Variants in TGIF1 observed in about 807,000 individuals in gnomAD.
TGIF1 encodes TGFB induced factor homeobox 1, also known as homeobox protein TGIF1.
A neutral mutation model predicts 19.3 loss-of-function variants in TGIF1; 4 were observed. That is an observed-to-expected ratio of 0.21 (90% CI 0.10 to 0.47). The LOEUF is 0.47. Ranked by LOEUF, TGIF1 falls within the 20% of genes least tolerant of loss-of-function variation. The probability of loss-of-function intolerance (pLI) is 0.98; values close to 1 mark genes in which losing one functional copy is unlikely to be tolerated. For synonymous variants in TGIF1, 122 were observed against 129.3 expected, an observed-to-expected ratio of 0.94 and a Z score of 0.38; for missense variants, 275 against 341.4, an observed-to-expected ratio of 0.81 and a Z score of 1.53.
chr18:3,444,218 C>G (rs1423891158), intron 2 of TGIF1, among the ~76,000 whole-genome samples: 1 of 151,902 alleles, frequency 6.6e-6, no homozygotes, highest in African/African-American at 2.4e-5. Flanking sequence ...GCTGGGATTA[C>G]AGGCATGAAC....
upstream of TGIF1, chr18:3,447,919 T>A (rs1347800032): frequency 2.0e-6 from 3 of 1,475,698 alleles, no homozygotes; most frequent in African/African-American, 4.2e-5. Context: ...CAATTCTCGG[T>A]TCCCATCTCG....
rs2143412270 is a variant in TGIF1 at position 3,456,988 on chromosome 18, T to G, written c.244-377T>G. The stretch of plus-strand genomic sequence containing the variant: ...AGTGGCCCTTTTCATAAGGAGAGGT[T>G]TTCCTGTAGTTGATTAACTTAAATG... On this transcript the variant is annotated intron_variant, in intron 2 of 2. Transcript: ENST00000343820. The surrounding 1 kb of genome is among the most constrained non-coding windows in gnomAD (Gnocchi z 4.2). The G allele has an allele frequency of 5.4e-6, 3 of 560,686 alleles. No individual in the cohort carries two copies. Among genetic ancestry groups the G allele is most frequent in the South Asian group, 4.5e-5 (2 of 44,082 alleles). 34.7% of individuals were successfully genotyped at this position (560,686 alleles called of 1,614,324 possible).
chr18:3,457,061 CCTCT>C lies in TGIF1; in HGVS notation c.244-298_244-295del. On this transcript the variant is annotated intron_variant, in intron 2 of 2. Transcript: ENST00000343820. The surrounding 1 kb of genome is among the most constrained non-coding windows in gnomAD (Gnocchi z 4.9). Reference sequence around the variant, plus strand: ...AAAATGGGGAGAGTTAAAAAGTAAACCTCTCTCTCAAATCATTTTTAAGCATTTG... The same window carrying C: ...AAAATGGGGAGAGTTAAAAAGTAAACCTCTCAAATCATTTTTAAGCATTTG... 1 of 557,012 alleles carries C rather than the reference CCTCT, an allele frequency of 1.8e-6. No homozygotes were observed. The highest frequency in any genetic ancestry group is 3.1e-5 in the East Asian group (1 of 32,176). 34.5% of individuals were successfully genotyped at this position (557,012 alleles called of 1,614,324 possible).
intron 2 of TGIF1, among the ~76,000 whole-genome samples, chr18:3,442,834 G>A (rs899292111): frequency 1.3e-5 from 2 of 152,066 alleles, no homozygotes; most frequent in Non-Finnish European, 2.9e-5. Context: ...TCAAAGAAAT[G>A]TGAACAATAA....
At position 3,456,324 on chromosome 18, in the gene TGIF1, A is replaced by C. The variant is rs755345004; in HGVS notation, c.17-30A>C. 2 of 1,601,146 alleles carry C rather than the reference A, an allele frequency of 1.2e-6. No homozygotes were observed. Among genetic ancestry groups the C allele is most frequent in the East Asian group, 4.5e-5 (2 of 44,826 alleles). ...GCAATAGTTGCTGTGCTTATAAAGCAACTGACAACTGGCCCTTGTCCTTTC... is the reference window on the plus strand; with the variant it reads ...GCAATAGTTGCTGTGCTTATAAAGCCACTGACAACTGGCCCTTGTCCTTTC... On this transcript the variant is annotated intron_variant, in intron 1 of 2. Transcript: ENST00000343820. This position sits in a 1 kb window ranked among gnomAD's most constrained non-coding sequence, Gnocchi z 4.2.
At chr18:3,435,884 A>G (rs1476135470) in intron 2 of TGIF1, among the ~76,000 whole-genome samples, 1 of 151,978 alleles carries the variant, frequency 6.6e-6, no homozygotes, top group Non-Finnish European at 1.5e-5. Context: ...ATTTAGGGAC[A>G]AGGTCTCACT....
rs574525449 is a variant in TGIF1 at position 3,423,990 on chromosome 18, C to G, written c.-45+5775C>G. Among the ~76,000 whole-genome samples the G allele has an allele frequency of 9.9e-4, 150 of 152,272 alleles. 1 individual carries two copies. Among genetic ancestry groups the G allele is most frequent in the Middle Eastern group, 3.4e-3 (1 of 294 alleles). On this transcript the variant is annotated intron_variant, in intron 2 of 3. Coordinates refer to the TGIF1 transcript ENST00000401449. Reference sequence around the variant, plus strand: ...GGGCAGCCACGATGGAGTGACAATACAGAAGGGGTCTGCGTCACCAACATT... The same window carrying G: ...GGGCAGCCACGATGGAGTGACAATAGAGAAGGGGTCTGCGTCACCAACATT...
upstream of TGIF1, chr18:3,448,255 C>T (rs574769911): frequency 9.1e-6 from 9 of 985,454 alleles, no homozygotes; most frequent in South Asian, 3.8e-4. Context: ...CAGCCCCCGG[C>T]TCCTCCTCCC....
At chr18:3,437,588 T>C (rs2082630110) in intron 2 of TGIF1, among the ~76,000 whole-genome samples, 1 of 152,240 alleles carries the variant, frequency 6.6e-6, no homozygotes, top group Non-Finnish European at 1.5e-5. Flanking sequence ...AGCTTTTTTC[T>C]AAACAGCAAT....
Position 3,457,715 on chromosome 18 carries a change from A to C in TGIF1, c.594A>C (p.Thr198=). The C allele has an allele frequency of 6.2e-7, 1 of 1,614,234 alleles. No homozygotes were observed. The highest frequency in any genetic ancestry group is 8.5e-7 in the Non-Finnish European group (1 of 1,180,042). The stretch of plus-strand genomic sequence containing the variant: ...AGTCGGTCGGTGTGGGACAAAACAC[A>C]GATATACAGCAGATAGCGGCCAAAA... The part of the protein sequence containing the change: ...LCQSVGVGQN[T]DIQQIAAKNF... Residue 198 remains threonine, a synonymous_variant, in exon 3 of 3, where the codon ACA becomes ACC. Transcript: ENST00000343820. This position sits in a 1 kb window ranked among gnomAD's most constrained non-coding sequence, Gnocchi z 4.9.
rs1339377849 is a variant in TGIF1 at position 3,458,912 on chromosome 18, A to G, written c.*972A>G. ...AGAAATTACCTTTTAAAACATCTCAAAAGTGTTTTCTAAAATGATGAAATA... is the reference window on the plus strand; with the variant it reads ...AGAAATTACCTTTTAAAACATCTCAGAAGTGTTTTCTAAAATGATGAAATA... On this transcript the variant is annotated 3_prime_UTR_variant, in exon 3 of 3. Transcript: ENST00000343820. 6.6e-6 allele frequency: 1 copy of G among 152,196 alleles called. No individual in the cohort carries two copies. The highest frequency in any genetic ancestry group is 2.4e-5 in the African/African-American group (1 of 41,448). 9.4% of individuals were successfully genotyped at this position (152,196 alleles called of 1,614,324 possible). A position where few individuals can be genotyped will look rare whatever the true frequency, so the allele number is the denominator to read the frequency against.
intron 2 of TGIF1, among the ~76,000 whole-genome samples, chr18:3,434,585 T>C (rs969501606): frequency 6.7e-6 from 1 of 149,166 alleles, no homozygotes; most frequent in East Asian, 2.0e-4. Context: ...CGTGGTGGCA[T>C]GCGCCTGTAA....
chr18:3,452,647 C>CTT (rs1375947265), intron 1 of TGIF1, among the ~76,000 whole-genome samples: 1 of 152,074 alleles, frequency 6.6e-6, no homozygotes. Context: ...AAGCTACTTG[C>CTT]TTTTCCTCCT....
chr18:3,450,254 A>G lies in TGIF1; in HGVS notation c.-236A>G. 1.4e-6 allele frequency: 2 copies of G among 1,429,098 alleles called. No homozygotes were observed. Among genetic ancestry groups the G allele is most frequent in the Non-Finnish European group, 1.8e-6 (2 of 1,095,728 alleles). The allele number at this position is 1,429,098 out of a possible 1,614,324, so 88.5% of individuals were successfully genotyped here. ...GAGGGGAGAGAGTTGGGCGAGGGAG[A>G]GCCCCCGGCCGGCTGCCAGAAGATC... On this transcript the variant is annotated 5_prime_UTR_variant, in exon 1 of 3. Coordinates refer to ENST00000343820, the MANE Select transcript of TGIF1 (RefSeq NM_003244.4).
chr18:3,449,553 C>G, upstream of TGIF1: 1 of 984,592 alleles, frequency 1.0e-6, no homozygotes, highest in Non-Finnish European at 1.2e-6. Context: ...CCCGCCCCAC[C>G]CCCGCCGACC....
intron 2 of TGIF1, among the ~76,000 whole-genome samples, chr18:3,441,169 C>G (rs8087619): frequency 0.72 from 109,273 of 152,102 alleles, 39,465 homozygotes; most frequent in East Asian, 0.9. Flanking sequence ...TTGTATAAGC[C>G]CTTCATGAAT....
chr18:3,443,936 C>CT lies in TGIF1; in HGVS notation c.-44-12402dup, dbSNP rs953476419. On this transcript the variant is annotated intron_variant, in intron 2 of 3. Coordinates refer to the TGIF1 transcript ENST00000401449. ...TATACAATAAATGATTGTATTCTTT[C>CT]TTTTTTTTTTTTTTTTGAGACGGAG... is the stretch of plus-strand genomic sequence containing the variant. 3.5e-3 allele frequency among the ~76,000 whole-genome samples: 488 copies of CT among 137,470 alleles called. 2 individuals carry two copies. Among genetic ancestry groups the CT allele is most frequent in the African/African-American group, 7.3e-3 (277 of 37,872 alleles). 90.2% of individuals were successfully genotyped at this position (137,470 alleles called of 152,430 possible).
intron 2 of TGIF1, among the ~76,000 whole-genome samples, chr18:3,435,100 C>T (rs955052310): frequency 2.0e-5 from 3 of 152,044 alleles, no homozygotes; most frequent in Non-Finnish European, 4.4e-5. Context: ...TCAATCTTGT[C>T]TTATTTTTAA....
Position 3,459,272 on chromosome 18 carries a change from A to G in TGIF1, c.*1332A>G, listed in dbSNP as rs1036779030. ...CTTCAGTATTGTTTAAAGAATGTAGAAAAATACAAATTTGTCTAATTTTGA... is the reference window on the plus strand; with the variant it reads ...CTTCAGTATTGTTTAAAGAATGTAGGAAAATACAAATTTGTCTAATTTTGA... On this transcript the variant is annotated 3_prime_UTR_variant, in exon 3 of 3. Coordinates refer to ENST00000343820, the MANE Select transcript of TGIF1 (RefSeq NM_003244.4). The G allele has an allele frequency of 6.6e-5, 10 of 152,242 alleles. No homozygotes were observed. The highest frequency in any genetic ancestry group is 2.4e-4 in the African/African-American group (10 of 41,456). 9.4% of individuals were successfully genotyped at this position (152,242 alleles called of 1,614,324 possible). A position where few individuals can be genotyped will look rare whatever the true frequency, so the allele number is the denominator to read the frequency against.
Sources: allele counts gnomAD v4.1 joint callset (sites outside exome capture counted in the v4.1 genomes callset), GRCh38; gene constraint gnomAD v4.1.1; non-coding constraint Gnocchi (gnomAD v3.1); transcripts MANE v1.5; gene names NCBI Gene and HGNC (gene_info 2026-07-23, HGNC 2026-07-21).